The following LYPD6 variants were observed in gnomAD, a reference collection of about 807,000 sequenced individuals.
The protein encoded by LYPD6 is ly6/PLAUR domain-containing protein 6.
In LYPD6, 15 loss-of-function variants were observed where a neutral mutation model predicts 22.7. That is an observed-to-expected ratio of 0.66 (90% confidence interval 0.44 to 1.02). LYPD6 has a LOEUF of 1.02. LYPD6 is among the 50% of genes least tolerant of loss of function. The pLI, the probability that LYPD6 is intolerant of heterozygous loss-of-function variation, is 0.00. For missense variants in LYPD6, 189 were observed against 208.4 expected, an observed-to-expected ratio of 0.91 and a Z score of 0.57; for synonymous variants, 72 against 77.5, an observed-to-expected ratio of 0.93 and a Z score of 0.37.
chr2:149,480,968 A>C, the LYPD6 span, among the ~76,000 whole-genome samples: 21 of 152,320 alleles, frequency 1.4e-4, no homozygotes, highest in African/African-American at 5.1e-4. Context: ...ACTTCATTGC[A>C]GCCCAGCTCC....
At chr2:149,436,819 G>A (rs1197350760) in intron 1 of LYPD6, among the ~76,000 whole-genome samples, 1 of 152,202 alleles carries the variant, frequency 6.6e-6, no homozygotes, top group African/African-American at 2.4e-5. Flanking sequence ...CCAACCTCAG[G>A]CGATCCAGGC....
intron 1 of LYPD6, among the ~76,000 whole-genome samples, chr2:149,420,628 A>G (rs532517136): frequency 1.3e-5 from 2 of 152,334 alleles, no homozygotes; most frequent in African/African-American, 4.8e-5. Context: ...AGAGAATCCC[A>G]TCAGGTTTAG....
chr2:149,404,959 G>A lies in LYPD6; in HGVS notation c.-71-32679G>A, dbSNP rs567330094. 7.8e-3 allele frequency among the ~76,000 whole-genome samples: 1,191 copies of A among 152,162 alleles called. 14 individuals are homozygous for A. The highest frequency in any genetic ancestry group is 0.026 in the African/African-American group (1,075 of 41,470). On this transcript the variant is annotated intron_variant, in intron 1 of 4. Transcript: ENST00000334166. ...TTAGCATGAAGCGTTGTTGAATTTT[G>A]TCAAAGGCCTTTTCTGCATCTATTG... is the stretch of plus-strand genomic sequence containing the variant.
downstream of LYPD6, among the ~76,000 whole-genome samples, chr2:149,474,705 C>T (rs1157629291): frequency 6.6e-6 from 1 of 152,080 alleles, no homozygotes; most frequent in African/African-American, 2.4e-5. Context: ...TGCAGGTGGA[C>T]TGTGCTTTTA....
chr2:149,371,982 A>G (rs2105078516), intron 1 of LYPD6, among the ~76,000 whole-genome samples: 1 of 152,214 alleles, frequency 6.6e-6, no homozygotes, highest in Admixed American at 6.5e-5. Flanking sequence ...TTCCAAACCC[A>G]GGGGAGATGG....
intron 1 of LYPD6, among the ~76,000 whole-genome samples, chr2:149,435,162 G>A (rs12105562): frequency 0.25 from 37,923 of 152,068 alleles, 5,416 homozygotes; most frequent in African/African-American, 0.4. Context: ...GCCAAGAAGA[G>A]AGGCCTCAGG....
intron 1 of LYPD6, among the ~76,000 whole-genome samples, chr2:149,343,609 A>T (rs955852471): frequency 3.3e-5 from 5 of 152,220 alleles, no homozygotes; most frequent in Admixed American, 3.3e-4. Context: ...CTGGGGGAAT[A>T]TGAGTCCAAG....
At chr2:149,459,531 T>C (rs779189277) in intron 3 of LYPD6, among the ~76,000 whole-genome samples, 1 of 152,228 alleles carries the variant, frequency 6.6e-6, no homozygotes, top group Non-Finnish European at 1.5e-5. Flanking sequence ...GTTTTCTGAA[T>C]TATGTTTGAC....
chr2:149,475,220 TC>T (rs1293555395), downstream of LYPD6, among the ~76,000 whole-genome samples: 1 of 152,196 alleles, frequency 6.6e-6, no homozygotes, highest in Non-Finnish European at 1.5e-5. Flanking sequence ...TTAATAACTT[TC>T]CTTTAACTTA....
intron 3 of LYPD6, among the ~76,000 whole-genome samples, chr2:149,462,148 C>G (rs1272920348): frequency 1.3e-5 from 2 of 151,786 alleles, no homozygotes; most frequent in Non-Finnish European, 2.9e-5. Context: ...AAAATTCCAA[C>G]AAATCTAAAG....
chr2:149,333,665 A>G (rs923017821), intron 1 of LYPD6, among the ~76,000 whole-genome samples: 5 of 152,218 alleles, frequency 3.3e-5, no homozygotes, highest in Non-Finnish European at 7.3e-5. Context: ...TACATGTGCA[A>G]ACTCCTTGCT....
At chr2:149,355,982 T>C (rs1681440987) in intron 1 of LYPD6, among the ~76,000 whole-genome samples, 3 of 152,160 alleles carry the variant, frequency 2.0e-5, no homozygotes, top group Non-Finnish European at 4.4e-5. Context: ...CCCTCTGTTA[T>C]GTTATTAAGT....
chr2:149,479,452 A>T, the LYPD6 span, among the ~76,000 whole-genome samples: 1 of 152,152 alleles, frequency 6.6e-6, no homozygotes, highest in Middle Eastern at 3.2e-3. Flanking sequence ...TCAACATTTC[A>T]TTTGTAGGAC....
At chr2:149,353,322 C>T (rs953241055) in intron 1 of LYPD6, among the ~76,000 whole-genome samples, 1 of 152,072 alleles carries the variant, frequency 6.6e-6, no homozygotes, top group African/African-American at 2.4e-5. Context: ...ATGATGGTTC[C>T]AAAACGAAAA....
intron 1 of LYPD6, among the ~76,000 whole-genome samples, chr2:149,343,024 G>A (rs1001489468): frequency 6.6e-6 from 1 of 152,158 alleles, no homozygotes; most frequent in African/African-American, 2.4e-5. Flanking sequence ...GTCTATAATG[G>A]TACTTTCTTC....
intron 1 of LYPD6, among the ~76,000 whole-genome samples, chr2:149,387,918 G>GGT (rs1390992670): frequency 1.3e-5 from 2 of 152,148 alleles, no homozygotes; most frequent in African/African-American, 4.8e-5. Flanking sequence ...ATATGACCTT[G>GGT]GTGTTATACT....
chr2:149,379,532 A>G lies in LYPD6; in HGVS notation c.-72+48810A>G, dbSNP rs531410652. On this transcript the variant is annotated intron_variant, in intron 1 of 4. Transcript: ENST00000334166. ...GGTTAGTTCCTATTAGATTCAATGA[A>G]AATCAGCAGTGGAAGAATTTATTCT... is the stretch of plus-strand genomic sequence containing the variant. Among the ~76,000 whole-genome samples, 88 of 152,352 alleles carry G rather than the reference A, an allele frequency of 5.8e-4. No individual in the cohort carries two copies. The South Asian group carries it at 7.0e-3, about 12-fold the overall frequency.
At chr2:149,482,544 T>C in the LYPD6 span, among the ~76,000 whole-genome samples, 1 of 152,196 alleles carries the variant, frequency 6.6e-6, no homozygotes. Context: ...AGACCTGTCC[T>C]TTCTCATGTT....
chr2:149,474,808 G>A (rs952354961), downstream of LYPD6, among the ~76,000 whole-genome samples: 2 of 151,958 alleles, frequency 1.3e-5, no homozygotes, highest in Non-Finnish European at 2.9e-5. Flanking sequence ...CACTCTTGTC[G>A]CCAGGCTGCA....
Sources: allele counts gnomAD v4.1 joint callset (sites outside exome capture counted in the v4.1 genomes callset), GRCh38; gene constraint gnomAD v4.1.1; transcripts MANE v1.5; gene names NCBI Gene and HGNC (gene_info 2026-07-23, HGNC 2026-07-21).